TMTC1: variants seen among roughly 807,000 people sequenced by gnomAD.
TMTC1 encodes the protein protein O-mannosyl-transferase TMTC1.
A neutral mutation model predicts 104.8 loss-of-function variants in TMTC1; 73 were observed. That is an observed-to-expected ratio of 0.70 (90% CI 0.58 to 0.85). The LOEUF (loss-of-function observed/expected upper bound fraction) is 0.85. Ranked by LOEUF, TMTC1 falls within the 40% of genes least tolerant of loss-of-function variation. The pLI is 0.00. For missense variants in TMTC1, 1,035 were observed against 1,096.1 expected (o/e 0.94, Z 0.79); for synonymous variants, 434 against 428.7 (o/e 1.01, Z -0.15).
intron 9 of TMTC1, among the ~76,000 whole-genome samples, chr12:29,562,681 G>A (rs1224215896): frequency 1.3e-5 from 2 of 152,174 alleles, no homozygotes; most frequent in Non-Finnish European, 1.5e-5. Context: ...ATTCATGTCT[G>A]TGCTTTAGTT....
intron 5 of TMTC1, among the ~76,000 whole-genome samples, chr12:29,730,982 G>A (rs1192231953): frequency 1.3e-5 from 2 of 152,178 alleles, no homozygotes; most frequent in African/African-American, 2.4e-5. Context: ...AAATTGAACA[G>A]GAGTGGGTAC....
intron 6 of TMTC1, among the ~76,000 whole-genome samples, chr12:29,624,594 C>T (rs1340838116): frequency 6.6e-6 from 1 of 152,162 alleles, no homozygotes; most frequent in African/African-American, 2.4e-5. Flanking sequence ...GGACTTGGCA[C>T]TGGCTTTCCC....
intron 5 of TMTC1, among the ~76,000 whole-genome samples, chr12:29,670,333 C>T (rs1229290533): frequency 6.6e-6 from 1 of 152,154 alleles, no homozygotes; most frequent in East Asian, 1.9e-4. Context: ...ACCTACTGTG[C>T]CCCAGGCATG....
intron 4 of TMTC1, among the ~76,000 whole-genome samples, chr12:29,754,748 G>GAGC (rs1479319246): frequency 6.6e-6 from 1 of 152,062 alleles, no homozygotes. Context: ...AGAGCCAACA[G>GAGC]AGCACTACAC....
intron 5 of TMTC1, among the ~76,000 whole-genome samples, chr12:29,708,190 A>G (rs1006204354): frequency 6.6e-6 from 1 of 152,220 alleles, no homozygotes; most frequent in Admixed American, 6.5e-5. Context: ...TAAAACAGAA[A>G]AGCACAGAAT....
chr12:29,637,319 A>G (rs148261171), intron 5 of TMTC1, among the ~76,000 whole-genome samples: 43 of 152,328 alleles, frequency 2.8e-4, no homozygotes, highest in African/African-American at 9.1e-4. Flanking sequence ...TCAGAAGCAA[A>G]ATAATCTGTC....
At chr12:29,652,621 T>C (rs1818562693) in intron 5 of TMTC1, among the ~76,000 whole-genome samples, 1 of 152,198 alleles carries the variant, frequency 6.6e-6, no homozygotes, top group Non-Finnish European at 1.5e-5. Flanking sequence ...TAAACAATTA[T>C]CATGGCTCTG....
intron 5 of TMTC1, among the ~76,000 whole-genome samples, chr12:29,750,060 T>TAC (rs1491285570): frequency 1.9e-5 from 2 of 105,492 alleles, no homozygotes; most frequent in African/African-American, 4.4e-5. Flanking sequence ...CATAACTGTC[T>TAC]ATACACACAC....
chr12:29,536,185 A>G (rs752776522), intron 11 of TMTC1, 24 bp downstream of exon 11: 1 of 1,457,938 alleles, frequency 6.9e-7, no homozygotes. Context: ...AACATTGAAA[A>G]AAACTACTGT....
Position 29,651,635 on chromosome 12 carries a change from C to A in TMTC1, c.939-18299G>T, listed in dbSNP as rs78925854. Among the ~76,000 whole-genome samples the A allele has an allele frequency of 7.4e-3, 1,131 of 152,294 alleles. 12 individuals are homozygous for A. Among genetic ancestry groups the A allele is most frequent in the African/African-American group, 0.025 (1,047 of 41,556 alleles). ...CATCCCTAGAAAGTTACTGGGCCCACAGCCCTCCTCCTGTGAACAAAAAAT... is the reference window on the plus strand; with the variant it reads ...CATCCCTAGAAAGTTACTGGGCCCAAAGCCCTCCTCCTGTGAACAAAAAAT... On this transcript the variant is annotated intron_variant, in intron 5 of 17. Transcript: ENST00000539277.
At chr12:29,668,282 C>A (rs1190523615) in intron 5 of TMTC1, among the ~76,000 whole-genome samples, 1 of 152,096 alleles carries the variant, frequency 6.6e-6, no homozygotes. Context: ...TGCATCCTCG[C>A]ATGGCAGAAG....
At position 29,783,829 on chromosome 12, in the gene TMTC1, C is replaced by T. The variant is rs1943897636; in HGVS notation, c.-78G>A. The T allele has an allele frequency of 2.8e-6, 3 of 1,087,942 alleles. No homozygotes were observed. Among genetic ancestry groups the T allele is most frequent in the East Asian group, 1.2e-4 (2 of 16,074 alleles). The allele number at this position is 1,087,942 out of a possible 1,614,324, so 67.4% of individuals were successfully genotyped here. A position where few individuals can be genotyped will look rare whatever the true frequency, so the allele number is the denominator to read the frequency against. On this transcript the variant is annotated 5_prime_UTR_variant, in exon 1 of 18. Transcript: ENST00000539277. This position sits in a 1 kb window ranked among gnomAD's most constrained non-coding sequence, Gnocchi z 4.7. The stretch of plus-strand genomic sequence containing the variant: ...CCCCTACCGGGGCCCCGGCGGCGCG[C>T]GGCGTCTGCCCGGAGGGGGGCTCGG...
At chr12:29,673,513 C>T (rs999260804) in intron 5 of TMTC1, among the ~76,000 whole-genome samples, 3 of 152,054 alleles carry the variant, frequency 2.0e-5, no homozygotes, top group African/African-American at 7.2e-5. Context: ...ACCTAAGTGA[C>T]TCATTTTAAA....
intron 2 of TMTC1, among the ~76,000 whole-genome samples, chr12:29,763,731 G>A (rs1455508146): frequency 6.6e-6 from 1 of 152,214 alleles, no homozygotes. Context: ...CATAGACAAG[G>A]AGGATTTCAG....
At chr12:29,597,749 T>C (rs1592293854) in intron 7 of TMTC1, among the ~76,000 whole-genome samples, 1 of 152,174 alleles carries the variant, frequency 6.6e-6, no homozygotes, top group East Asian at 1.9e-4. Context: ...TTAGAGATCA[T>C]GTAACAGAGG....
At chr12:29,683,187 G>T (rs1940978725) in intron 5 of TMTC1, among the ~76,000 whole-genome samples, 1 of 152,146 alleles carries the variant, frequency 6.6e-6, no homozygotes, top group Non-Finnish European at 1.5e-5. Context: ...GGTTACCCTT[G>T]TCGGCAAATG....
intron 16 of TMTC1, among the ~76,000 whole-genome samples, chr12:29,513,492 G>A (rs972727497): frequency 2.0e-5 from 3 of 152,048 alleles, no homozygotes; most frequent in Non-Finnish European, 4.4e-5. Context: ...TTGATTAAAG[G>A]ATTCACATTC....
At chr12:29,562,229 G>A (rs935162739) in intron 9 of TMTC1, among the ~76,000 whole-genome samples, 1 of 152,168 alleles carries the variant, frequency 6.6e-6, no homozygotes, top group African/African-American at 2.4e-5. Flanking sequence ...TACTCCTTCT[G>A]ATCCATTACA....
Position 29,517,659 on chromosome 12 carries a change from T to C in TMTC1, c.2025-88A>G, listed in dbSNP as rs529731164. On this transcript the variant is annotated intron_variant, in intron 13 of 17. Transcript: ENST00000539277. The stretch of plus-strand genomic sequence containing the variant: ...GCTTAGATTTAGGGAAGACGGTCCA[T>C]GGTTTGAACCTCTGCTCCAATACGG... The C allele has an allele frequency of 8.0e-6, 12 of 1,498,476 alleles. No homozygotes were observed. The South Asian group carries it at 8.3e-5, about 10-fold the overall frequency. 92.8% of individuals were successfully genotyped at this position (1,498,476 alleles called of 1,614,324 possible).
Sources: gnomAD v4.1 joint callset for allele counts (sites outside exome capture counted in the v4.1 genomes callset) on GRCh38, gnomAD v4.1.1 for gene constraint, Gnocchi (gnomAD v3.1) non-coding constraint, MANE v1.5 for transcripts, NCBI Gene and HGNC (gene_info 2026-07-23, HGNC 2026-07-21) for gene names.